The following MGAT4C variants were observed in gnomAD, a reference collection of about 807,000 sequenced individuals.
MGAT4C encodes alpha-1,3-mannosyl-glycoprotein 4-beta-N-acetylglucosaminyltransferase C.
In MGAT4C, 19 loss-of-function variants were observed where a neutral mutation model predicts 40.1. That is an observed-to-expected ratio of 0.47 (90% CI 0.33 to 0.70). The LOEUF (loss-of-function observed/expected upper bound fraction) is 0.70, where lower values mean the gene tolerates loss of function less well. MGAT4C is among the 30% of genes least tolerant of loss of function. MGAT4C has a pLI of 0.02. For missense variants in MGAT4C, 491 were observed against 563.2 expected (o/e 0.87, Z 1.30); for synonymous variants, 181 against 187.1 (o/e 0.97, Z 0.27).
At chr12:85,989,717 T>C (rs1481351856) in intron 2 of MGAT4C, among the ~76,000 whole-genome samples, 165 bp from the exon 3 acceptor site, 1 of 152,094 alleles carries the variant, frequency 6.6e-6, no homozygotes, top group Non-Finnish European at 1.5e-5. Context: ...CATTAATTAA[T>C]ATGTTAACAT....
chr12:86,283,546 TTAAC>T (rs752015703), intron 4 of MGAT4C, among the ~76,000 whole-genome samples: 19 of 152,096 alleles, frequency 1.2e-4, no homozygotes, highest in Non-Finnish European at 2.6e-4. Context: ...TGGTTTCTTC[TTAAC>T]TATTCTAGTT....
At chr12:86,208,237 G>A (rs572685854) in intron 1 of MGAT4C, among the ~76,000 whole-genome samples, 10 of 152,278 alleles carry the variant, frequency 6.6e-5, no homozygotes, top group African/African-American at 1.9e-4. Context: ...AGGCCGAGGC[G>A]GGCAGATCAC....
intron 3 of MGAT4C, among the ~76,000 whole-genome samples, chr12:86,412,127 G>T (rs113512966): frequency 1.0e-3 from 152 of 152,334 alleles, no homozygotes; most frequent in Non-Finnish European, 1.6e-3. Flanking sequence ...TTGTAGCAGG[G>T]TTGTAGCCCT....
chr12:86,645,601 G>T (rs927286175), intron 2 of MGAT4C, among the ~76,000 whole-genome samples: 1 of 151,592 alleles, frequency 6.6e-6, no homozygotes, highest in Non-Finnish European at 1.5e-5. Flanking sequence ...TAAAATCTTA[G>T]CAAGTTTTTA....
intron 2 of MGAT4C, among the ~76,000 whole-genome samples, chr12:85,993,944 G>T (rs890269146): frequency 6.6e-6 from 1 of 151,522 alleles, no homozygotes; most frequent in African/African-American, 2.4e-5. Context: ...TGGTGGCATG[G>T]GGTCCTTCCA....
At chr12:86,511,228 C>T (rs12296845) in intron 2 of MGAT4C, among the ~76,000 whole-genome samples, 1,773 of 152,052 alleles carry the variant, frequency 0.012, 46 homozygotes, top group African/African-American at 0.041. Flanking sequence ...GAACAACCTG[C>T]TCCTGAATGA....
intron 2 of MGAT4C, among the ~76,000 whole-genome samples, chr12:86,462,812 C>T (rs1181537260): frequency 6.6e-6 from 1 of 152,172 alleles, no homozygotes; most frequent in South Asian, 2.1e-4. Context: ...CATGTATGCG[C>T]TTTCCATCTT....
chr12:86,381,323 T>C (rs760691818), intron 3 of MGAT4C, among the ~76,000 whole-genome samples: 5 of 152,210 alleles, frequency 3.3e-5, no homozygotes, highest in African/African-American at 9.6e-5. Context: ...TCTTCATTTA[T>C]TGTGAAAGTT....
rs1276368292 is a variant in MGAT4C at position 86,832,357 on chromosome 12, AT to A, written c.-262+6308del. 2.6e-5 allele frequency among the ~76,000 whole-genome samples: 4 copies of A among 151,954 alleles called. No homozygotes were observed. In the East Asian group the frequency reaches 7.8e-4, roughly 30 times the overall value. Reference sequence around the variant, plus strand: ...ATTTACTTGCAAAATTAAGCACAAAATTTTTGTAACTTTCAAATTATACCAT... The same window carrying A: ...ATTTACTTGCAAAATTAAGCACAAAATTTTGTAACTTTCAAATTATACCAT... On this transcript the variant is annotated intron_variant, in intron 1 of 7. Transcript: ENST00000548651.
chr12:86,290,601 C>T (rs1046513019), intron 4 of MGAT4C, among the ~76,000 whole-genome samples: 1 of 151,850 alleles, frequency 6.6e-6, no homozygotes, highest in African/African-American at 2.4e-5. Flanking sequence ...AATGAAAACA[C>T]ATTTTAAACC....
intron 2 of MGAT4C, among the ~76,000 whole-genome samples, chr12:86,617,121 T>C (rs2136483361): frequency 6.6e-6 from 1 of 152,312 alleles, no homozygotes; most frequent in African/African-American, 2.4e-5. Flanking sequence ...GGTTGGTTAG[T>C]TCGCTAAAAA....
intron 1 of MGAT4C, among the ~76,000 whole-genome samples, chr12:86,818,643 C>T (rs1655622809): frequency 6.6e-6 from 1 of 150,780 alleles, no homozygotes; most frequent in Non-Finnish European, 1.5e-5. Context: ...ATACATTCAA[C>T]AGGGAAAAAA....
At chr12:86,320,612 G>C (rs1954360562) in intron 4 of MGAT4C, among the ~76,000 whole-genome samples, 1 of 152,018 alleles carries the variant, frequency 6.6e-6, no homozygotes, top group Non-Finnish European at 1.5e-5. Flanking sequence ...AAATTTACAG[G>C]TATAAAATTA....
rs919941318 is a variant in MGAT4C at position 85,987,417 on chromosome 12, G to A, written c.147+1983C>T. On this transcript the variant is annotated intron_variant, in intron 3 of 4. Coordinates refer to ENST00000611864, the MANE Select transcript of MGAT4C (RefSeq NM_001351288.2). Reference sequence around the variant, plus strand: ...CTCCCAAAGTGCTGGGATTACAGGCGTGAGCCACCGCGCCCGGCCAATAAT... The same window carrying A: ...CTCCCAAAGTGCTGGGATTACAGGCATGAGCCACCGCGCCCGGCCAATAAT... 1.1e-4 allele frequency among the ~76,000 whole-genome samples: 16 copies of A among 152,084 alleles called. No homozygotes were observed. In the East Asian group the frequency reaches 1.4e-3, roughly 13 times the overall value.
At chr12:86,285,012 C>T (rs1164604008) in intron 4 of MGAT4C, among the ~76,000 whole-genome samples, 1 of 151,724 alleles carries the variant, frequency 6.6e-6, no homozygotes, top group Non-Finnish European at 1.5e-5. Flanking sequence ...CATTTGTGCT[C>T]ATATTTTTTA....
chr12:86,383,074 G>T lies in MGAT4C; in HGVS notation c.-119-48947C>A, dbSNP rs184542714. Among the ~76,000 whole-genome samples, 141 of 152,288 alleles carry T rather than the reference G, an allele frequency of 9.3e-4. 1 individual carries two copies. Among genetic ancestry groups the T allele is most frequent in the African/African-American group, 3.1e-3 (127 of 41,568 alleles). ...AGAATGGTAGATCCACTGACAGCCT[G>T]CATTGGGTTTCTTGAAAAGCTACAG... is the stretch of plus-strand genomic sequence containing the variant. On this transcript the variant is annotated intron_variant, in intron 3 of 7. Coordinates refer to the MGAT4C transcript ENST00000548651.
rs1231149876 is a variant in MGAT4C, at chr12:85,968,526, A to G, written c.*10763T>C. On this transcript the variant is annotated 3_prime_UTR_variant, in exon 5 of 5. Coordinates refer to ENST00000611864, the MANE Select transcript of MGAT4C (RefSeq NM_001351288.2). ...GGAACTTTTATTTTTCAGTACAACA[A>G]TAATAGTATTGAAATACCTAAAAAG... 1.3e-5 allele frequency: 2 copies of G among 152,010 alleles called. No homozygotes were observed. Among genetic ancestry groups the G allele is most frequent in the Non-Finnish European group, 2.9e-5 (2 of 67,906 alleles). The allele number at this position is 152,010 out of a possible 1,614,324, so 9.4% of individuals were successfully genotyped here.
At chr12:86,293,401 T>C (rs548818520) in intron 4 of MGAT4C, among the ~76,000 whole-genome samples, 1 of 152,326 alleles carries the variant, frequency 6.6e-6, no homozygotes, top group South Asian at 2.1e-4. Flanking sequence ...CTCACCTTTA[T>C]CACTACTTTT....
In MGAT4C at chr12:85,960,409, A is replaced by G. The variant is rs955294545; in HGVS notation, c.*18880T>C. On this transcript the variant is annotated 3_prime_UTR_variant, in exon 5 of 5. Coordinates refer to ENST00000611864, the MANE Select transcript of MGAT4C (RefSeq NM_001351288.2). Reference sequence around the variant, plus strand: ...TTCACTACTGTGTCGTCATTGGTAGAATAAGGATAACAATACTTATCACAC... The same window carrying G: ...TTCACTACTGTGTCGTCATTGGTAGGATAAGGATAACAATACTTATCACAC... 1.3e-5 allele frequency: 2 copies of G among 152,064 alleles called. No individual in the cohort carries two copies. The highest frequency in any genetic ancestry group is 4.8e-5 in the African/African-American group (2 of 41,442). 9.4% of individuals were successfully genotyped at this position (152,064 alleles called of 1,614,324 possible). A position where few individuals can be genotyped will look rare whatever the true frequency, so the allele number is the denominator to read the frequency against.
Sources: allele counts gnomAD v4.1 joint callset (sites outside exome capture counted in the v4.1 genomes callset), GRCh38; gene constraint gnomAD v4.1.1; transcripts MANE v1.5; gene names NCBI Gene and HGNC (gene_info 2026-07-23, HGNC 2026-07-21).